The following UGT1A8 variants were observed in gnomAD, a reference collection of about 807,000 sequenced individuals.
UGT1A8 encodes UDP-glucuronosyltransferase 1A8.
Under a neutral mutation model 45.3 loss-of-function variants are expected in UGT1A8, and 39 were observed. That is an observed-to-expected ratio of 0.86 (90% CI 0.67 to 1.12). The LOEUF (loss-of-function observed/expected upper bound fraction) is 1.12, where lower values mean the gene tolerates loss of function less well. Ranked by LOEUF, UGT1A8 falls within the 50% of genes most tolerant of loss-of-function variation. The pLI is 0.00. For missense variants in UGT1A8, 719 were observed against 664.9 expected, an observed-to-expected ratio of 1.08 and a Z score of -0.90; for synonymous variants, 275 against 249.2, an observed-to-expected ratio of 1.10 and a Z score of -0.97.
At chr2:233,662,046 G>A (rs147801304) in intron 1 of UGT1A8, among the ~76,000 whole-genome samples, 53 of 152,254 alleles carry the variant, frequency 3.5e-4, no homozygotes, top group Middle Eastern at 3.4e-3. Context: ...GCAACAGGGG[G>A]TGGCTATGAA....
chr2:233,750,657 G>A (rs1694532021), intron 1 of UGT1A8: 1 of 143,480 alleles, frequency 7.0e-6, no homozygotes, highest in Admixed American at 6.7e-5. Flanking sequence ...TCAGGACTTG[G>A]TGCCCTGTGT....
chr2:233,693,522 G>C lies in UGT1A8; in HGVS notation c.856-73512G>C. On this transcript the variant is annotated intron_variant, in intron 1 of 4. Coordinates refer to ENST00000373450, the MANE Select transcript of UGT1A8 (RefSeq NM_019076.5). Reference sequence around the variant, plus strand: ...CTACCATCTGTGTACCTCTTCAGGGGTTTTCCGTGTTCCCTGGAGCATACA... The same window carrying C: ...CTACCATCTGTGTACCTCTTCAGGGCTTTTCCGTGTTCCCTGGAGCATACA... 6.2e-7 allele frequency: 1 copy of C among 1,614,162 alleles called. No individual in the cohort carries two copies. The highest frequency in any genetic ancestry group is 8.5e-7 in the Non-Finnish European group (1 of 1,180,018).
At chr2:233,713,359 T>C (rs773018216) in intron 1 of UGT1A8, 18 of 1,614,046 alleles carry the variant, frequency 1.1e-5, no homozygotes, top group Non-Finnish European at 1.4e-5. Flanking sequence ...ATGTCTTTGA[T>C]CATACATAGG....
At chr2:233,722,301 CCTTA>C (rs1342676069) in intron 1 of UGT1A8, among the ~76,000 whole-genome samples, 2 of 152,042 alleles carry the variant, frequency 1.3e-5, no homozygotes, top group Non-Finnish European at 2.9e-5. Context: ...ATTTTGTCAC[CCTTA>C]CTTACTTGGT....
At chr2:233,715,333 G>A (rs2076445731) in intron 1 of UGT1A8, among the ~76,000 whole-genome samples, 1 of 152,000 alleles carries the variant, frequency 6.6e-6, no homozygotes, top group South Asian at 2.1e-4. Flanking sequence ...TGATTAGATT[G>A]GTGCATGTAG....
rs45568432 is a variant in UGT1A8, at chr2:233,618,389, C to A, written c.682C>A (p.Leu228Ile). 1.0e-4 allele frequency: 168 copies of A among 1,613,738 alleles called. No homozygotes were observed. The highest frequency in any genetic ancestry group is 1.4e-4 in the Non-Finnish European group (162 of 1,179,854). The change falls in exon 1 of 5, where the codon CTA (leucine) becomes ATA (isoleucine). Residue 228 changes from leucine (L) to isoleucine (I), a missense_variant. Coordinates refer to ENST00000373450, the MANE Select transcript of UGT1A8 (RefSeq NM_019076.5). ...TTGCCAGTATTTTTCCAAAAATGCC[C>A]TAGAAATAGCCTCTGAAATTCTCCA... ...LFCQYFSKNA[L>I]EIASEILQTP...
At chr2:233,760,300 T>G (rs1271688129) in intron 1 of UGT1A8, 1 of 1,613,254 alleles carries the variant, frequency 6.2e-7, no homozygotes, top group East Asian at 2.2e-5. Flanking sequence ...GGCTGTGGAG[T>G]CCCAGGGCGG....
intron 1 of UGT1A8, among the ~76,000 whole-genome samples, chr2:233,638,491 C>A (rs2073363783): frequency 6.6e-6 from 1 of 151,810 alleles, no homozygotes; most frequent in Admixed American, 6.5e-5. Context: ...TTTTGCTTTG[C>A]TGGAGCATAT....
At chr2:233,695,065 G>C (rs1177586033) in intron 1 of UGT1A8, among the ~76,000 whole-genome samples, 1 of 151,672 alleles carries the variant, frequency 6.6e-6, no homozygotes, top group Non-Finnish European at 1.5e-5. Flanking sequence ...CTGTGCTATC[G>C]CACTTTGGAC....
At chr2:233,743,086 T>C (rs926867030) in intron 1 of UGT1A8, 1 of 346,580 alleles carries the variant, frequency 2.9e-6, no homozygotes, top group African/African-American at 2.2e-5. Context: ...GAAGTGTTTA[T>C]AAATTCTTGG....
chr2:233,625,930 T>C (rs551450044), intron 1 of UGT1A8, among the ~76,000 whole-genome samples: 36 of 151,982 alleles, frequency 2.4e-4, no homozygotes, highest in Admixed American at 2.0e-3. Flanking sequence ...GAATCTAAAA[T>C]AAAAGTTGAG....
Position 233,766,889 on chromosome 2 carries a change from C to T in UGT1A8, c.856-145C>T, listed in dbSNP as rs35858210. ...GGAGAGGAAAATGCTGTAAAACTTA[C>T]ATATTAATAATTTTTTACTCTATCT... On this transcript the variant is annotated intron_variant, in intron 1 of 4. Coordinates refer to ENST00000373450, the MANE Select transcript of UGT1A8 (RefSeq NM_019076.5). 3,026 of 1,464,588 alleles carry T rather than the reference C, an allele frequency of 2.1e-3. 24 individuals are homozygous for T. The highest frequency in any genetic ancestry group is 0.013 in the Middle Eastern group (51 of 4,042). The allele number at this position is 1,464,588 out of a possible 1,614,324, so 90.7% of individuals were successfully genotyped here.
At chr2:233,760,401 C>T (rs2125983506) in intron 1 of UGT1A8, 1 of 1,614,220 alleles carries the variant, frequency 6.2e-7, no homozygotes, top group Non-Finnish European at 8.5e-7. Flanking sequence ...TGGATGGCAG[C>T]CACTGGCTGA....
At position 233,769,722 on chromosome 2, in the gene UGT1A8, G is replaced by A. The variant is rs906143757; in HGVS notation, c.1295+1283G>A. ...AGATCAATGTTGGCTAGGCACCATG[G>A]CACACGCCTGTAGTCCCAGCCACTC... On this transcript the variant is annotated intron_variant, in intron 4 of 4. Coordinates refer to ENST00000373450, the MANE Select transcript of UGT1A8 (RefSeq NM_019076.5). The surrounding 1 kb of genome is among the most constrained non-coding windows in gnomAD (Gnocchi z 4.4). 8 of 1,484,822 alleles carry A rather than the reference G, an allele frequency of 5.4e-6. No individual in the cohort carries two copies. Among genetic ancestry groups the A allele is most frequent in the East Asian group, 5.0e-5 (2 of 40,322 alleles). 92.0% of individuals were successfully genotyped at this position (1,484,822 alleles called of 1,614,324 possible).
chr2:233,753,934 C>A (rs115652249), intron 1 of UGT1A8, among the ~76,000 whole-genome samples: 1,716 of 152,270 alleles, frequency 0.011, 38 homozygotes, highest in African/African-American at 0.04. Context: ...ATATGGGATT[C>A]AAATGTATGA....
At chr2:233,656,592 G>GTCT (rs1042328256) in intron 1 of UGT1A8, among the ~76,000 whole-genome samples, 1 of 152,174 alleles carries the variant, frequency 6.6e-6, no homozygotes, top group African/African-American at 2.4e-5. Context: ...GTGGTTTGAG[G>GTCT]TCTTGTGTGT....
At chr2:233,742,942 C>G (rs1321055603) in intron 1 of UGT1A8, 1 of 213,758 alleles carries the variant, frequency 4.7e-6, no homozygotes, top group South Asian at 7.7e-5. Context: ...TGTCCTACCA[C>G]TAGCAAATAA....
intron 1 of UGT1A8, among the ~76,000 whole-genome samples, chr2:233,750,429 T>C (rs1273290769): frequency 6.6e-6 from 1 of 151,918 alleles, no homozygotes; most frequent in Non-Finnish European, 1.5e-5. Flanking sequence ...GAAAAACCCA[T>C]TTTATGGGGA....
intron 1 of UGT1A8, chr2:233,713,483 C>T: frequency 3.7e-6 from 6 of 1,613,990 alleles, no homozygotes; most frequent in South Asian, 1.1e-5. Context: ...TGGCTAAGTA[C>T]CTGTCGATTC....
Sources: gnomAD v4.1 joint callset for allele counts (sites outside exome capture counted in the v4.1 genomes callset) on GRCh38, gnomAD v4.1.1 for gene constraint, Gnocchi (gnomAD v3.1) non-coding constraint, MANE v1.5 for transcripts, NCBI Gene and HGNC (gene_info 2026-07-23, HGNC 2026-07-21) for gene names.